Variants in COMMD10 observed in about 807,000 individuals in gnomAD.
COMMD10 encodes COMM domain-containing protein 10.
Under a neutral mutation model 28.9 loss-of-function variants are expected in COMMD10, and 33 were observed. The ratio of observed to expected loss-of-function variants is 1.14; its 90% CI spans 0.87 to 1.53. COMMD10 has a LOEUF of 1.53. Ranked by LOEUF, COMMD10 falls within the 40% of genes most tolerant of loss-of-function variation. The probability of loss-of-function intolerance (pLI) is 0.00; values close to 1 mark genes in which losing one functional copy is unlikely to be tolerated. For missense variants in COMMD10, 310 were observed against 233.4 expected (o/e 1.33, Z -2.14); for synonymous variants, 110 against 81.7 (o/e 1.35, Z -1.87).
chr5:116,141,885 T>C (rs1459212255), intron 5 of COMMD10, among the ~76,000 whole-genome samples: 1 of 151,908 alleles, frequency 6.6e-6, no homozygotes, highest in African/African-American at 2.4e-5. Flanking sequence ...GTTCTTTTTC[T>C]TTAAATGTAG....
At position 116,218,019 on chromosome 5, in the gene COMMD10, C is replaced by T. The variant is rs115284139; in HGVS notation, c.511-73498C>T. ...AGTACACAGTTATCAAAAATGCACA[C>T]ACTTCTCTTGGCACCTCCAGCACCT... On this transcript the variant is annotated intron_variant, in intron 5 of 6. Coordinates refer to ENST00000274458, the MANE Select transcript of COMMD10 (RefSeq NM_016144.4). 2.9e-3 allele frequency: 2,929 copies of T among 1,024,640 alleles called. 52 individuals carry two copies. The African/African-American group carries it at 0.037, about 13-fold the overall frequency. 63.5% of individuals were successfully genotyped at this position (1,024,640 alleles called of 1,614,324 possible). A position where few individuals can be genotyped will look rare whatever the true frequency, so the allele number is the denominator to read the frequency against.
intron 5 of COMMD10, among the ~76,000 whole-genome samples, chr5:116,153,654 G>T (rs1752610276): frequency 1.3e-5 from 2 of 151,930 alleles, no homozygotes; most frequent in Non-Finnish European, 2.9e-5. Flanking sequence ...TATTGGCCCA[G>T]AGGGCTGAAA....
At chr5:116,162,173 A>G (rs879799765) in intron 5 of COMMD10, among the ~76,000 whole-genome samples, 34 of 152,206 alleles carry the variant, frequency 2.2e-4, no homozygotes, top group Admixed American at 2.1e-3. Context: ...CTATAAATAG[A>G]TAAGTACAAT....
chr5:116,090,375 C>T (rs991971611), intron 2 of COMMD10, among the ~76,000 whole-genome samples: 1 of 152,158 alleles, frequency 6.6e-6, no homozygotes, highest in African/African-American at 2.4e-5. Context: ...ATCCAGCGTG[C>T]CAGCGGTTTG....
intron 5 of COMMD10, among the ~76,000 whole-genome samples, chr5:116,141,682 C>T (rs536427942): frequency 1.3e-5 from 2 of 151,596 alleles, no homozygotes; most frequent in East Asian, 1.9e-4. Context: ...GGTATAGTAG[C>T]GGGGGGCTGG....
intron 4 of COMMD10, among the ~76,000 whole-genome samples, chr5:116,130,471 T>C (rs1751827107): frequency 1.3e-5 from 2 of 152,158 alleles, no homozygotes; most frequent in African/African-American, 4.8e-5. Flanking sequence ...ACGTTTGTTA[T>C]GTCAGTCATT....
At chr5:116,120,552 A>T (rs762389042) in intron 4 of COMMD10, among the ~76,000 whole-genome samples, 110 of 152,126 alleles carry the variant, frequency 7.2e-4, no homozygotes, top group Non-Finnish European at 1.4e-3. Context: ...TTACCCTCAA[A>T]AGTTTCATTT....
chr5:116,163,329 A>C (rs1320395246), intron 5 of COMMD10, among the ~76,000 whole-genome samples: 1 of 151,248 alleles, frequency 6.6e-6, no homozygotes, highest in East Asian at 1.9e-4. Flanking sequence ...TCACTCCTGT[A>C]CTTCCAGCAC....
At chr5:116,288,635 T>C (rs565996055) in intron 5 of COMMD10, among the ~76,000 whole-genome samples, 29 of 151,898 alleles carry the variant, frequency 1.9e-4, no homozygotes, top group Non-Finnish European at 3.5e-4. Flanking sequence ...CATTTCTTCT[T>C]TCTTTTTTCT....
rs180672965 is a variant in COMMD10, at chr5:116,121,411, T to C, written c.400-12657T>C. Among the ~76,000 whole-genome samples, 636 of 152,366 alleles carry C rather than the reference T, an allele frequency of 4.2e-3. 3 individuals are homozygous for C. The highest frequency in any genetic ancestry group is 7.0e-3 in the Non-Finnish European group (476 of 68,046). On this transcript the variant is annotated intron_variant, in intron 4 of 6. Coordinates refer to ENST00000274458, the MANE Select transcript of COMMD10 (RefSeq NM_016144.4). The stretch of plus-strand genomic sequence containing the variant: ...GGACATTCGGGTTGGTTCCAAGTAT[T>C]TGCTTTTGAGAATAGTGCCGCAGTA...
At chr5:116,113,795 G>A (rs57867527) in intron 4 of COMMD10, among the ~76,000 whole-genome samples, 11,520 of 151,844 alleles carry the variant, frequency 0.076, 830 homozygotes, top group African/African-American at 0.18. Context: ...TTTTCTTTTT[G>A]GTTCTGCTCT....
At chr5:116,210,649 A>C (rs1015397663) in intron 5 of COMMD10, among the ~76,000 whole-genome samples, 2 of 152,230 alleles carry the variant, frequency 1.3e-5, no homozygotes, top group Admixed American at 1.3e-4. Flanking sequence ...CATACAGTCT[A>C]TCAACAAATC....
At chr5:116,218,238 C>T (rs565071090) in intron 5 of COMMD10, 42 of 751,082 alleles carry the variant, frequency 5.6e-5, no homozygotes, top group Middle Eastern at 4.7e-4. Flanking sequence ...CTCTGTGGTT[C>T]GTCCTTTACC....
At chr5:116,153,144 A>T (rs1454525925) in intron 5 of COMMD10, among the ~76,000 whole-genome samples, 1 of 152,120 alleles carries the variant, frequency 6.6e-6, no homozygotes, top group African/African-American at 2.4e-5. Context: ...TATGTTTCCT[A>T]AAAGTGATAA....
intron 5 of COMMD10, among the ~76,000 whole-genome samples, chr5:116,158,072 T>G (rs968015684): frequency 1.3e-5 from 2 of 151,160 alleles, no homozygotes; most frequent in African/African-American, 2.4e-5. Context: ...CATGACTTGT[T>G]AACTCTCCAA....
At position 116,256,849 on chromosome 5, in the gene COMMD10, G is replaced by A. The variant is rs528443486; in HGVS notation, c.511-34668G>A. Among the ~76,000 whole-genome samples, 32 of 151,826 alleles carry A rather than the reference G, an allele frequency of 2.1e-4. 1 individual carries two copies. Among genetic ancestry groups the A allele is most frequent in the African/African-American group, 7.5e-4 (31 of 41,250 alleles). On this transcript the variant is annotated intron_variant, in intron 5 of 6. Coordinates refer to ENST00000274458, the MANE Select transcript of COMMD10 (RefSeq NM_016144.4). ...AGGTATCCCTGTCTCAGCCAGCCAC[G>A]TGGATACTCTGTGGTGTTTGGCATC...
intron 5 of COMMD10, among the ~76,000 whole-genome samples, chr5:116,247,555 A>T (rs1299260599): frequency 6.6e-6 from 1 of 152,070 alleles, no homozygotes; most frequent in Non-Finnish European, 1.5e-5. Context: ...AACAGCAAAG[A>T]CAGGGAATCA....
chr5:116,092,422 G>T, intron 3 of COMMD10, 123 bp from the exon 4 acceptor site: 1 of 564,036 alleles, frequency 1.8e-6, no homozygotes, highest in South Asian at 4.1e-5. Flanking sequence ...AAAAATGTTG[G>T]TAATAGGACT....
chr5:116,221,007 T>G lies in COMMD10; in HGVS notation c.511-70510T>G, dbSNP rs964622411. Among the ~76,000 whole-genome samples, 71 of 152,096 alleles carry G rather than the reference T, an allele frequency of 4.7e-4. 2 individuals are homozygous for G. Among genetic ancestry groups the G allele is most frequent in the Non-Finnish European group, 2.9e-5 (2 of 68,014 alleles). ...TCCTACAATCACAAAGACCTTAGAT[T>G]ATAATTCTCCTTAACTGCTCCATAG... On this transcript the variant is annotated intron_variant, in intron 5 of 6. Transcript: ENST00000274458.
Sources: allele counts gnomAD v4.1 joint callset (sites outside exome capture counted in the v4.1 genomes callset), GRCh38; gene constraint gnomAD v4.1.1; transcripts MANE v1.5; gene names NCBI Gene and HGNC (gene_info 2026-07-23, HGNC 2026-07-21).